The following KCNIP4 variants were observed in gnomAD, a reference collection of about 807,000 sequenced individuals.
KCNIP4 encodes the protein Kv channel-interacting protein 4.
In KCNIP4, 12 loss-of-function variants were observed where a neutral mutation model predicts 34.0. The observed-to-expected ratio is 0.35, with a 90% CI of 0.23 to 0.57. The LOEUF is 0.57. Among genes scored for constraint, KCNIP4 ranks in the 20% least tolerant of loss-of-function variants. The pLI is 0.83. For synonymous variants in KCNIP4, 124 were observed against 102.2 expected, an observed-to-expected ratio of 1.21 and a Z score of -1.29; for missense variants, 238 against 311.7, an observed-to-expected ratio of 0.76 and a Z score of 1.78.
chr4:21,036,596 T>G, intron 1 of KCNIP4, among the ~76,000 whole-genome samples: 1 of 152,160 alleles, frequency 6.6e-6, no homozygotes, highest in Non-Finnish European at 1.5e-5. Flanking sequence ...CATGGGGGTG[T>G]GTGCCTGTAG....
chr4:21,261,426 T>G (rs9994604), intron 1 of KCNIP4, among the ~76,000 whole-genome samples: 84,242 of 151,972 alleles, frequency 0.55, 26,143 homozygotes, highest in African/African-American at 0.85. Flanking sequence ...ATTAGAATAA[T>G]CATTAAAAGG....
intron 1 of KCNIP4, among the ~76,000 whole-genome samples, chr4:20,957,151 G>T (rs1478813145): frequency 1.3e-5 from 2 of 152,148 alleles, no homozygotes; most frequent in Non-Finnish European, 2.9e-5. Flanking sequence ...CAGCAAAACA[G>T]ATGCATTAAG....
At chr4:20,931,677 T>C (rs1250493647) in intron 1 of KCNIP4, among the ~76,000 whole-genome samples, 3 of 152,128 alleles carry the variant, frequency 2.0e-5, no homozygotes, top group Non-Finnish European at 4.4e-5. Context: ...GAAACATCAT[T>C]ATGGGGCTCA....
intron 1 of KCNIP4, among the ~76,000 whole-genome samples, chr4:21,491,076 G>A (rs956513331): frequency 3.9e-5 from 6 of 152,062 alleles, no homozygotes; most frequent in Admixed American, 2.6e-4. Flanking sequence ...TTATAGGAAC[G>A]ACAGTTTGCA....
chr4:21,703,625 T>C (rs528991406), intron 1 of KCNIP4, among the ~76,000 whole-genome samples: 1 of 152,134 alleles, frequency 6.6e-6, no homozygotes, highest in South Asian at 2.1e-4. Flanking sequence ...GCACTAAAAT[T>C]TAAAATACAA....
intron 1 of KCNIP4, among the ~76,000 whole-genome samples, chr4:21,233,450 G>A (rs1401803788): frequency 6.6e-6 from 1 of 152,036 alleles, no homozygotes; most frequent in African/African-American, 2.4e-5. Context: ...GTCATAGTTT[G>A]GGGGAGATTT....
At chr4:21,137,476 C>A (rs533205596) in intron 1 of KCNIP4, among the ~76,000 whole-genome samples, 1 of 152,090 alleles carries the variant, frequency 6.6e-6, no homozygotes, top group East Asian at 1.9e-4. Context: ...TTTGAAGATG[C>A]CATATCTTTA....
chr4:21,253,784 T>C (rs906733050), intron 1 of KCNIP4, among the ~76,000 whole-genome samples: 6 of 152,214 alleles, frequency 3.9e-5, no homozygotes, highest in Non-Finnish European at 7.3e-5. Context: ...CTACTCATAA[T>C]AGCCAAGTAG....
At chr4:21,553,416 C>T (rs1220446251) in intron 1 of KCNIP4, among the ~76,000 whole-genome samples, 3 of 152,124 alleles carry the variant, frequency 2.0e-5, no homozygotes, top group African/African-American at 7.2e-5. Context: ...CGATGGAGGT[C>T]CACTTCTTTT....
chr4:21,580,539 A>G (rs1461275269), intron 1 of KCNIP4, among the ~76,000 whole-genome samples: 3 of 152,148 alleles, frequency 2.0e-5, no homozygotes, highest in Admixed American at 2.0e-4. Flanking sequence ...TTGTTGCATC[A>G]AAACTGTATT....
chr4:20,829,079 T>A (rs1166009788), intron 3 of KCNIP4, among the ~76,000 whole-genome samples: 1 of 152,130 alleles, frequency 6.6e-6, no homozygotes, highest in Admixed American at 6.5e-5. Flanking sequence ...CCGGCAGAGG[T>A]CCATCTTTAA....
chr4:21,898,792 T>C lies in KCNIP4; in HGVS notation c.61+49779A>G, dbSNP rs1038757854. 2.0e-5 allele frequency among the ~76,000 whole-genome samples: 3 copies of C among 152,140 alleles called. No homozygotes were observed. The East Asian group carries it at 5.8e-4, about 29-fold the overall frequency. On this transcript the variant is annotated intron_variant, in intron 1 of 8. Transcript: ENST00000382152. ...GAGAAGTAAAGGGGACTTCGTCTTA[T>C]AGCTTGGGTACCAGCTCAGCCACAG... is the stretch of plus-strand genomic sequence containing the variant.
intron 1 of KCNIP4, chr4:21,849,632 C>T (rs915923056): frequency 6.6e-6 from 1 of 151,890 alleles, no homozygotes; most frequent in South Asian, 2.1e-4. Flanking sequence ...AGTACTTATA[C>T]AAAATGATGG....
At chr4:21,143,798 G>A (rs1752150050) in intron 1 of KCNIP4, among the ~76,000 whole-genome samples, 1 of 151,710 alleles carries the variant, frequency 6.6e-6, no homozygotes, top group South Asian at 2.1e-4. Context: ...CCACCTCCCA[G>A]GTTCAAGCAA....
chr4:21,193,213 T>C (rs1390841396), intron 1 of KCNIP4, among the ~76,000 whole-genome samples: 1 of 152,158 alleles, frequency 6.6e-6, no homozygotes, highest in African/African-American at 2.4e-5. Context: ...GCTGCAATTA[T>C]TCTGCTGATG....
At chr4:21,414,147 A>G (rs1336979278) in intron 1 of KCNIP4, among the ~76,000 whole-genome samples, 1 of 152,200 alleles carries the variant, frequency 6.6e-6, no homozygotes, top group Non-Finnish European at 1.5e-5. Flanking sequence ...ATGAAAAAAA[A>G]AGCAGCGAAG....
chr4:21,673,832 T>C (rs550399238), intron 1 of KCNIP4, among the ~76,000 whole-genome samples: 236 of 152,334 alleles, frequency 1.5e-3, no homozygotes, highest in African/African-American at 5.5e-3. Flanking sequence ...TAAACAACAG[T>C]ACCTTACTTC....
At chr4:21,768,489 C>G (rs555707209) in intron 1 of KCNIP4, among the ~76,000 whole-genome samples, 2 of 152,216 alleles carry the variant, frequency 1.3e-5, no homozygotes, top group Non-Finnish European at 2.9e-5. Flanking sequence ...AGAAATGCTT[C>G]ACTCCCAAGT....
chr4:21,071,537 A>G (rs1744919888), intron 1 of KCNIP4, among the ~76,000 whole-genome samples: 2 of 152,180 alleles, frequency 1.3e-5, no homozygotes, highest in African/African-American at 2.4e-5. Context: ...ATTATTTTGC[A>G]AAGTAGTTTT....
Sources: allele counts gnomAD v4.1 joint callset (sites outside exome capture counted in the v4.1 genomes callset), GRCh38; gene constraint gnomAD v4.1.1; transcripts MANE v1.5; gene names NCBI Gene and HGNC (gene_info 2026-07-23, HGNC 2026-07-21).